Variants in SENP7 observed in about 807,000 individuals in gnomAD.
The protein encoded by SENP7 is SUMO specific peptidase 7.
Under a neutral mutation model 141.2 loss-of-function variants are expected in SENP7, and 64 were observed. The observed-to-expected ratio is 0.45, with a 90% CI of 0.37 to 0.56. The LOEUF is 0.56. Ranked by LOEUF, SENP7 falls within the 20% of genes least tolerant of loss-of-function variation. The pLI is 0.00. For missense variants in SENP7, 1,025 were observed against 1,212.2 expected, an observed-to-expected ratio of 0.85 and a Z score of 2.29; for synonymous variants, 382 against 426.4, an observed-to-expected ratio of 0.90 and a Z score of 1.28.
chr3:101,481,907 T>C (rs909093085), intron 3 of SENP7, among the ~76,000 whole-genome samples: 2 of 152,042 alleles, frequency 1.3e-5, no homozygotes, highest in African/African-American at 4.8e-5. Flanking sequence ...TACAGCGAGG[T>C]TGCATGATAC....
Position 101,459,037 on chromosome 3 carries a change from T to A in SENP7, c.202A>T (p.Arg68Trp). Residue 68 changes from arginine to tryptophan, a missense_variant, in exon 4 of 24, where the codon AGG becomes TGG. Physicochemically the swap from Arg to Trp is moderately radical, Grantham distance 101. This residue lies in a region of SENP7 where 496 missense variants were observed against 503.5 expected (regional missense o/e 0.99). Transcript: ENST00000394095. ...TLPLQWERSL[R>W]NKVISLDHKN... ...TGGTCTAGAGAGATGACTTTATTCC[T>A]TAGGCTTCTTTCCCACTAGGAAAAA... is the stretch of plus-strand genomic sequence containing the variant. 1.3e-6 allele frequency: 2 copies of A among 1,585,514 alleles called. No individual in the cohort carries two copies. The highest frequency in any genetic ancestry group is 1.7e-6 in the Non-Finnish European group (2 of 1,164,754).
chr3:101,347,883 A>G lies in SENP7; in HGVS notation c.1826T>C (p.Leu609Ser). Reference protein sequence around the residue: ...EIQTQLEHSVLSQQSKSSEFI... With the variant: ...EIQTQLEHSVSSQQSKSSEFI... Reference sequence around the variant, plus strand: ...CATTTTATACTCACATTGCTGGCTTAATACAGAGTGTTCTAATTGGGTCTG... The same window carrying G: ...CATTTTATACTCACATTGCTGGCTTGATACAGAGTGTTCTAATTGGGTCTG... The change falls in exon 13 of 24, where the codon TTA (leucine) becomes TCA (serine). Residue 609 changes from leucine (L) to serine (S), a missense_variant. By Grantham distance (145) the Leu-to-Ser change is moderately radical (BLOSUM62 -2). Around this residue, in one of 4 missense-constraint regions of SENP7, gnomAD observed 228 missense variants for 228.5 expected, o/e 1.00. Coordinates refer to ENST00000394095, the MANE Select transcript of SENP7 (RefSeq NM_020654.5). 1 of 1,553,444 alleles carries G rather than the reference A, an allele frequency of 6.4e-7. No individual in the cohort carries two copies. The highest frequency in any genetic ancestry group is 8.7e-7 in the Non-Finnish European group (1 of 1,146,648).
intron 11 of SENP7, among the ~76,000 whole-genome samples, chr3:101,359,765 G>A (rs2059844233): frequency 6.6e-6 from 1 of 151,906 alleles, no homozygotes; most frequent in African/African-American, 2.4e-5. Flanking sequence ...AATATGCAAC[G>A]ATATATACTA....
chr3:101,354,283 T>C (rs1278463644), intron 11 of SENP7, among the ~76,000 whole-genome samples: 1 of 152,110 alleles, frequency 6.6e-6, no homozygotes, highest in Non-Finnish European at 1.5e-5. Context: ...TATTTTAGGT[T>C]CAGGGGTACA....
intron 4 of SENP7, among the ~76,000 whole-genome samples, chr3:101,418,830 A>G (rs895674804): frequency 3.3e-5 from 5 of 152,160 alleles, no homozygotes; most frequent in African/African-American, 1.2e-4. Context: ...AAATTAAGCT[A>G]TTAGTTTTAA....
chr3:101,335,654 T>C (rs2059165096), intron 17 of SENP7, among the ~76,000 whole-genome samples: 1 of 152,192 alleles, frequency 6.6e-6, no homozygotes, highest in South Asian at 2.1e-4. Flanking sequence ...ATCTATCTAC[T>C]TTCATTTCCT....
chr3:101,397,429 A>T (rs1266426457), intron 6 of SENP7, among the ~76,000 whole-genome samples: 2 of 152,162 alleles, frequency 1.3e-5, no homozygotes, highest in Non-Finnish European at 2.9e-5. Flanking sequence ...CACTTGATAG[A>T]TACATAGGCA....
At chr3:101,449,798 G>C (rs1232083371) in intron 4 of SENP7, among the ~76,000 whole-genome samples, 6 of 152,166 alleles carry the variant, frequency 3.9e-5, no homozygotes, top group African/African-American at 1.2e-4. Flanking sequence ...AGGCTAGGAA[G>C]AAACTGCAAC....
At chr3:101,367,469 A>G (rs2060066522) in intron 8 of SENP7, among the ~76,000 whole-genome samples, 1 of 152,004 alleles carries the variant, frequency 6.6e-6, no homozygotes, top group Non-Finnish European at 1.5e-5. Context: ...TCTAATAATA[A>G]TTTTACAGAG....
chr3:101,505,356 T>C (rs1033747452), intron 1 of SENP7, among the ~76,000 whole-genome samples: 20 of 152,206 alleles, frequency 1.3e-4, no homozygotes, highest in African/African-American at 4.8e-4. Flanking sequence ...AATAAAAAAG[T>C]ACATGTCATT....
chr3:101,398,555 T>G (rs559650717), intron 6 of SENP7, among the ~76,000 whole-genome samples: 2 of 152,122 alleles, frequency 1.3e-5, no homozygotes, highest in South Asian at 2.1e-4. Flanking sequence ...AATAGACTAA[T>G]GTCAGAGGAA....
At chr3:101,334,040 T>A (rs1465833867) in intron 17 of SENP7, among the ~76,000 whole-genome samples, 1 of 152,178 alleles carries the variant, frequency 6.6e-6, no homozygotes, top group Non-Finnish European at 1.5e-5. Flanking sequence ...TTCGCGCTCC[T>A]GTGAGTATCT....
chr3:101,456,050 T>C (rs2063341843), intron 4 of SENP7, among the ~76,000 whole-genome samples: 1 of 152,170 alleles, frequency 6.6e-6, no homozygotes, highest in Non-Finnish European at 1.5e-5. Flanking sequence ...CTTTTTTAAA[T>C]TCCACTTTTT....
intron 6 of SENP7, among the ~76,000 whole-genome samples, chr3:101,383,841 C>A (rs2060576594): frequency 6.6e-6 from 1 of 152,186 alleles, no homozygotes; most frequent in African/African-American, 2.4e-5. Flanking sequence ...AGTTCCTGGG[C>A]AGAAAGGGGA....
chr3:101,393,411 T>C (rs762985614), intron 6 of SENP7, among the ~76,000 whole-genome samples: 2 of 152,140 alleles, frequency 1.3e-5, no homozygotes, highest in Non-Finnish European at 1.5e-5. Flanking sequence ...AACCTATAGA[T>C]TGGGAGATAG....
intron 1 of SENP7, among the ~76,000 whole-genome samples, chr3:101,506,459 G>A (rs1286246788): frequency 1.3e-5 from 2 of 152,044 alleles, no homozygotes; most frequent in Non-Finnish European, 2.9e-5. Flanking sequence ...AAGATTTGAG[G>A]AATCCAAATA....
chr3:101,412,739 G>T (rs1442908199), intron 5 of SENP7, among the ~76,000 whole-genome samples: 1 of 152,026 alleles, frequency 6.6e-6, no homozygotes, highest in African/African-American at 2.4e-5. Context: ...TTGTATAAGT[G>T]TCCCACTAGG....
intron 4 of SENP7, among the ~76,000 whole-genome samples, chr3:101,435,896 C>A (rs1388678906): frequency 6.6e-6 from 1 of 152,118 alleles, no homozygotes; most frequent in African/African-American, 2.4e-5. Flanking sequence ...ACACCAGTGA[C>A]ATTCTTCACA....
intron 11 of SENP7, among the ~76,000 whole-genome samples, chr3:101,356,188 A>C (rs1312371702): frequency 6.6e-6 from 1 of 152,132 alleles, no homozygotes; most frequent in African/African-American, 2.4e-5. Flanking sequence ...CACCTACCTT[A>C]TACGTTACTT....
Sources: allele counts gnomAD v4.1 joint callset (sites outside exome capture counted in the v4.1 genomes callset), GRCh38; gene constraint gnomAD v4.1.1; regional missense constraint gnomAD v4.1.1; transcripts MANE v1.5; gene names NCBI Gene and HGNC (gene_info 2026-07-23, HGNC 2026-07-21).